CTNNA3: variants seen among roughly 807,000 people sequenced by gnomAD.
CTNNA3 encodes catenin alpha 3, also known as catenin alpha-3.
A neutral mutation model predicts 95.7 loss-of-function variants in CTNNA3; 76 were observed. The ratio of observed to expected loss-of-function variants is 0.79; its 90% confidence interval spans 0.66 to 0.96. CTNNA3 has a LOEUF of 0.96. CTNNA3 is among the 40% of genes least tolerant of loss of function. The pLI is 0.00. For synonymous variants in CTNNA3, 431 were observed against 374.4 expected (o/e 1.15, Z -1.74); for missense variants, 1,191 against 1,089.8 (o/e 1.09, Z -1.31).
intron 5 of CTNNA3, among the ~76,000 whole-genome samples, chr10:67,408,964 G>A (rs529360094): frequency 6.7e-6 from 1 of 150,104 alleles, no homozygotes; most frequent in South Asian, 2.1e-4. Context: ...CATGCATGTG[G>A]CCAACAAACA....
At chr10:67,562,496 A>C (rs1383971329) in intron 3 of CTNNA3, among the ~76,000 whole-genome samples, 4 of 152,206 alleles carry the variant, frequency 2.6e-5, no homozygotes. Flanking sequence ...TCTCAAAATA[A>C]TAAGAGCTAT....
rs1841801099 is a variant in CTNNA3, at chr10:67,331,674, T to A, written c.580-111804A>T. On this transcript the variant is annotated intron_variant, in intron 5 of 17. Transcript: ENST00000433211. ...GAGATGAATATATATGTGTTAACAT[T>A]CTTGAGATGAGATATAGTATCTTTC... 2.6e-5 allele frequency among the ~76,000 whole-genome samples: 4 copies of A among 152,180 alleles called. No individual in the cohort carries two copies. The South Asian group carries it at 8.3e-4, about 32-fold the overall frequency.
intron 13 of CTNNA3, among the ~76,000 whole-genome samples, chr10:66,246,268 C>G: frequency 6.6e-6 from 1 of 152,050 alleles, no homozygotes; most frequent in Admixed American, 6.5e-5. Flanking sequence ...CCCAAGAGTG[C>G]AGGGATGTCT....
intron 10 of CTNNA3, among the ~76,000 whole-genome samples, chr10:66,531,733 A>AT (rs1841472991): frequency 6.6e-6 from 1 of 152,138 alleles, no homozygotes; most frequent in Non-Finnish European, 1.5e-5. Context: ...TCTACACACA[A>AT]TTTTTTAGGG....
At chr10:67,679,657 C>T (rs1246152802) in intron 1 of CTNNA3, among the ~76,000 whole-genome samples, 1 of 152,178 alleles carries the variant, frequency 6.6e-6, no homozygotes, top group Admixed American at 6.5e-5. Context: ...TAATTTTCTT[C>T]TCTTCCTTTT....
intron 9 of CTNNA3, among the ~76,000 whole-genome samples, chr10:66,623,189 A>G (rs548171920): frequency 3.9e-5 from 6 of 152,132 alleles, no homozygotes; most frequent in Non-Finnish European, 7.4e-5. Flanking sequence ...TTTAATTTGT[A>G]TTATATTAAT....
chr10:67,099,169 T>C (rs927077671), intron 7 of CTNNA3: 5 of 151,842 alleles, frequency 3.3e-5, no homozygotes, highest in Admixed American at 6.6e-5. Flanking sequence ...AGATCATATA[T>C]TGATTATACA....
chr10:66,878,626 G>C (rs12245817), intron 7 of CTNNA3, among the ~76,000 whole-genome samples: 2,702 of 152,128 alleles, frequency 0.018, 69 homozygotes, highest in African/African-American at 0.061. Context: ...CCTGATTCTA[G>C]GAGCAACTGT....
Position 66,842,213 on chromosome 10 carries a change from G to T in CTNNA3, c.1048-66689C>A, listed in dbSNP as rs533481476. On this transcript the variant is annotated intron_variant, in intron 7 of 17. Transcript: ENST00000433211. ...CTGCCTCAGCCTCCCAAAGTGCTGGGATTACAGGTGTAAGACATCATGCCC... is the reference window on the plus strand; with the variant it reads ...CTGCCTCAGCCTCCCAAAGTGCTGGTATTACAGGTGTAAGACATCATGCCC... 2.0e-5 allele frequency among the ~76,000 whole-genome samples: 3 copies of T among 152,158 alleles called. No homozygotes were observed. In the South Asian group the frequency reaches 6.2e-4, roughly 32 times the overall value.
At chr10:66,297,263 CG>C (rs2091794235) in intron 12 of CTNNA3, among the ~76,000 whole-genome samples, 1 of 151,660 alleles carries the variant, frequency 6.6e-6, no homozygotes, top group Non-Finnish European at 1.5e-5. Context: ...TTGAAAAAGA[CG>C]GATCTACAGA....
rs184743191 is a variant in CTNNA3 at position 66,450,882 on chromosome 10, T to A, written c.1531+69735A>T. 9.2e-5 allele frequency among the ~76,000 whole-genome samples: 14 copies of A among 152,220 alleles called. No individual in the cohort carries two copies. In the East Asian group the frequency reaches 2.3e-3, roughly 25 times the overall value. On this transcript the variant is annotated intron_variant, in intron 11 of 17. Transcript: ENST00000433211. ...TCACTCTTCAAGACACAAGTCTAACTTTTTTGAAGATAAAGTAACATAAGA... is the reference window on the plus strand; with the variant it reads ...TCACTCTTCAAGACACAAGTCTAACATTTTTGAAGATAAAGTAACATAAGA...
intron 10 of CTNNA3, among the ~76,000 whole-genome samples, chr10:66,524,739 C>T (rs763725546): frequency 6.6e-6 from 1 of 152,034 alleles, no homozygotes. Flanking sequence ...ATAGACTGAA[C>T]CTATAATGTT....
intron 7 of CTNNA3, among the ~76,000 whole-genome samples, chr10:66,898,318 C>A (rs1845584784): frequency 6.6e-6 from 1 of 151,924 alleles, no homozygotes; most frequent in South Asian, 2.1e-4. Flanking sequence ...TTTGTAGAAT[C>A]AGGGATTTCA....
intron 11 of CTNNA3, among the ~76,000 whole-genome samples, chr10:66,401,686 T>C (rs1199039851): frequency 7.4e-6 from 1 of 135,456 alleles, no homozygotes. Context: ...TGAGATGGAG[T>C]CTTGCACTGT....
At chr10:67,682,955 A>G (rs1221625453) in intron 1 of CTNNA3, among the ~76,000 whole-genome samples, 3 of 152,224 alleles carry the variant, frequency 2.0e-5, no homozygotes, top group Non-Finnish European at 4.4e-5. Context: ...TCTTAACCAA[A>G]TATAACTGTC....
intron 9 of CTNNA3, among the ~76,000 whole-genome samples, chr10:66,752,462 C>T (rs1839185554): frequency 6.6e-6 from 1 of 152,204 alleles, no homozygotes; most frequent in South Asian, 2.1e-4. Flanking sequence ...AATGCAAACC[C>T]TAAAATTATC....
chr10:67,054,544 A>G (rs1486893011), intron 7 of CTNNA3: 2 of 152,158 alleles, frequency 1.3e-5, no homozygotes, highest in Non-Finnish European at 2.9e-5. Flanking sequence ...CTTGGCTATT[A>G]ATGCCTTATT....
At chr10:67,414,926 C>G (rs1564634399) in intron 5 of CTNNA3, among the ~76,000 whole-genome samples, 1 of 152,198 alleles carries the variant, frequency 6.6e-6, no homozygotes, top group East Asian at 1.9e-4. Flanking sequence ...ATAGGATCAT[C>G]TCAATAGATG....
chr10:67,652,821 G>A (rs1202611042), intron 1 of CTNNA3, among the ~76,000 whole-genome samples: 9 of 152,162 alleles, frequency 5.9e-5, no homozygotes. Context: ...TGTGACTAAT[G>A]TAGAGGATCT....
Sources: gnomAD v4.1 joint callset for allele counts (sites outside exome capture counted in the v4.1 genomes callset) on GRCh38, gnomAD v4.1.1 for gene constraint, MANE v1.5 for transcripts, NCBI Gene and HGNC (gene_info 2026-07-23, HGNC 2026-07-21) for gene names.